Variants in MMP26 observed in about 807,000 individuals in gnomAD.
MMP26 encodes the protein matrix metalloproteinase-26.
Under a neutral mutation model 31.0 loss-of-function variants are expected in MMP26, and 33 were observed. That is an observed-to-expected ratio of 1.06 (90% CI 0.81 to 1.42). MMP26 has a LOEUF of 1.42. Ranked by LOEUF, MMP26 falls within the 40% of genes most tolerant of loss-of-function variation. The probability of loss-of-function intolerance (pLI) is 0.00; values close to 1 mark genes in which losing one functional copy is unlikely to be tolerated. For synonymous variants in MMP26, 122 were observed against 114.9 expected, an observed-to-expected ratio of 1.06 and a Z score of -0.40; for missense variants, 347 against 316.1, an observed-to-expected ratio of 1.10 and a Z score of -0.74.
At position 4,949,040 on chromosome 11, in the gene MMP26, A is replaced by C. The variant is rs1275400307; in HGVS notation, c.-144-39028A>C. Among the ~76,000 whole-genome samples the C allele has an allele frequency of 4.8e-5, 6 of 124,926 alleles. 2 individuals are homozygous for C. In the Admixed American group the frequency reaches 5.4e-4, roughly 11 times the overall value. The allele number at this position is 124,926 out of a possible 152,430, so 82.0% of individuals were successfully genotyped here. A position where few individuals can be genotyped will look rare whatever the true frequency, so the allele number is the denominator to read the frequency against. Reference sequence around the variant, plus strand: ...CAATGTTCATGTGTTCATTGGCTCAATGTTCAACTTTGTGGACCAAATCAA... The same window carrying C: ...CAATGTTCATGTGTTCATTGGCTCACTGTTCAACTTTGTGGACCAAATCAA... On this transcript the variant is annotated intron_variant, in intron 2 of 7. Transcript: ENST00000380390.
At chr11:4,820,894 G>T (rs1484412715) in intron 2 of MMP26, among the ~76,000 whole-genome samples, 2 of 149,572 alleles carry the variant, frequency 1.3e-5, no homozygotes, top group East Asian at 3.9e-4. Context: ...TTTTTCTTAG[G>T]GTGTTTTTTT....
At chr11:4,732,755 T>A (rs866664104) in intron 1 of MMP26, among the ~76,000 whole-genome samples, 2 of 152,246 alleles carry the variant, frequency 1.3e-5, no homozygotes, top group Non-Finnish European at 2.9e-5. Flanking sequence ...TTTGGTGCAC[T>A]GTTTTCAAGG....
At chr11:4,933,923 A>G (rs1589943642) in intron 2 of MMP26, among the ~76,000 whole-genome samples, 1 of 148,216 alleles carries the variant, frequency 6.7e-6, no homozygotes, top group South Asian at 2.2e-4. Context: ...TTATGGCTGC[A>G]TAGTATTCCA....
intron 1 of MMP26, among the ~76,000 whole-genome samples, chr11:4,747,265 C>G (rs1848394082): frequency 6.6e-6 from 1 of 152,072 alleles, no homozygotes; most frequent in Admixed American, 6.6e-5. Context: ...AAGTGTTGAA[C>G]AGAAAATATG....
intron 1 of MMP26, among the ~76,000 whole-genome samples, chr11:4,733,861 A>G (rs911192804): frequency 1.3e-5 from 2 of 152,138 alleles, no homozygotes; most frequent in East Asian, 3.8e-4. Context: ...TTTGTTCTAC[A>G]TTGTTGAGTG....
At chr11:4,869,501 A>C (rs1197259973) in intron 2 of MMP26, among the ~76,000 whole-genome samples, 1 of 152,222 alleles carries the variant, frequency 6.6e-6, no homozygotes, top group Non-Finnish European at 1.5e-5. Context: ...AGAAATGCAA[A>C]TCAAAACCAC....
At chr11:4,923,697 G>A (rs2133583233) in intron 2 of MMP26, 1 of 1,614,066 alleles carries the variant, frequency 6.2e-7, no homozygotes, top group Non-Finnish European at 8.5e-7. Context: ...AGAAAGATGA[G>A]CAGGGAGTCC....
chr11:4,836,228 G>A (rs1021159889), intron 2 of MMP26, among the ~76,000 whole-genome samples: 3 of 151,936 alleles, frequency 2.0e-5, no homozygotes, highest in Non-Finnish European at 4.4e-5. Context: ...ATAAATAAGT[G>A]ATATGTTGTC....
At chr11:4,828,449 G>T (rs1849606184) in intron 2 of MMP26, among the ~76,000 whole-genome samples, 1 of 152,110 alleles carries the variant, frequency 6.6e-6, no homozygotes, top group South Asian at 2.1e-4. Context: ...AGGTCATCAA[G>T]AAATACACAT....
intron 2 of MMP26, chr11:4,803,611 G>C (rs1481058715): frequency 6.2e-7 from 1 of 1,613,878 alleles, no homozygotes; most frequent in Non-Finnish European, 8.5e-7. Context: ...AAAAAGGGCT[G>C]GGATATAAAG....
At chr11:4,734,250 G>A (rs1325539318) in intron 1 of MMP26, among the ~76,000 whole-genome samples, 1 of 152,052 alleles carries the variant, frequency 6.6e-6, no homozygotes, top group Non-Finnish European at 1.5e-5. Context: ...TTTTCTTTAA[G>A]TGTTTAGTGA....
chr11:4,946,416 T>A, intron 2 of MMP26: 1 of 1,610,912 alleles, frequency 6.2e-7, no homozygotes, highest in Non-Finnish European at 8.5e-7. Context: ...TTGGATGCAA[T>A]TCCCAGTACA....
intron 2 of MMP26, among the ~76,000 whole-genome samples, chr11:4,851,938 A>T (rs1432785846): frequency 2.0e-5 from 3 of 152,154 alleles, no homozygotes; most frequent in Admixed American, 6.5e-5. Context: ...GACAGGTGAA[A>T]TTTCAACCAT....
intron 2 of MMP26, among the ~76,000 whole-genome samples, chr11:4,837,510 T>A (rs1166251484): frequency 2.6e-5 from 4 of 152,192 alleles, no homozygotes; most frequent in African/African-American, 7.2e-5. Context: ...CCCACTTATA[T>A]TTAAAATATA....
intron 2 of MMP26, among the ~76,000 whole-genome samples, chr11:4,905,442 A>C (rs1417318344): frequency 6.6e-6 from 1 of 152,172 alleles, no homozygotes; most frequent in Non-Finnish European, 1.5e-5. Flanking sequence ...CCTCTAAAAA[A>C]TCACAAAATA....
At chr11:4,730,171 C>T (rs1040251200) in intron 1 of MMP26, among the ~76,000 whole-genome samples, 3 of 152,074 alleles carry the variant, frequency 2.0e-5, no homozygotes, top group African/African-American at 7.2e-5. Flanking sequence ...TTTAATATTT[C>T]CTTTGCCTTT....
At chr11:4,732,994 C>G (rs1848194461) in intron 1 of MMP26, among the ~76,000 whole-genome samples, 1 of 152,206 alleles carries the variant, frequency 6.6e-6, no homozygotes, top group African/African-American at 2.4e-5. Flanking sequence ...ACTCTCAATT[C>G]CAGTTCACTG....
At chr11:4,830,281 T>C (rs1849629553) in intron 2 of MMP26, 2 of 152,118 alleles carry the variant, frequency 1.3e-5, no homozygotes, top group South Asian at 2.1e-4. Flanking sequence ...TTAGGATGGT[T>C]TTATCTTTTC....
At chr11:4,991,600 G>A in intron 6 of MMP26, 104 bp downstream of exon 6, 3 of 1,422,992 alleles carry the variant, frequency 2.1e-6, no homozygotes, top group Non-Finnish European at 2.8e-6. Flanking sequence ...TGAGGTGGAA[G>A]ATTTGGCTGA....
Sources: allele counts gnomAD v4.1 joint callset (sites outside exome capture counted in the v4.1 genomes callset), GRCh38; gene constraint gnomAD v4.1.1; transcripts MANE v1.5; gene names NCBI Gene and HGNC (gene_info 2026-07-23, HGNC 2026-07-21).